ARHGEF1: variants seen among roughly 807,000 people sequenced by gnomAD.
The protein encoded by ARHGEF1 is 115 kDa guanine nucleotide exchange factor.
Under a neutral mutation model 119.7 loss-of-function variants are expected in ARHGEF1, and 40 were observed. That is an observed-to-expected ratio of 0.33 (90% CI 0.26 to 0.44). The LOEUF (loss-of-function observed/expected upper bound fraction) is 0.44. Among genes scored for constraint, ARHGEF1 ranks in the 20% least tolerant of loss-of-function variants. ARHGEF1 has a pLI of 1.00. For synonymous variants in ARHGEF1, 494 were observed against 521.0 expected (o/e 0.95, Z 0.71); for missense variants, 976 against 1,268.3 (o/e 0.77, Z 3.50).
rs1249718614 is a variant in ARHGEF1, at chr19:41,906,543, G to A, written c.2578G>A (p.Gly860Ser). ...AGATGGGGATGGGGTCCCAGGGGGC[G>A]GCCCCCTGAGCCCAGCACGGACCCA... is the stretch of plus-strand genomic sequence containing the variant. Reference protein sequence around the residue: ...PRDGDGVPGGGPLSPARTQEI... With the variant: ...PRDGDGVPGGSPLSPARTQEI... Residue 860 changes from glycine (G) to serine (S), a missense_variant, in exon 27 of 29, where the codon GGC (glycine) becomes AGC (serine). Gly to Ser is a moderately conservative substitution (Grantham distance 56, BLOSUM62 0). This residue lies in a region of ARHGEF1 where 171 missense variants were observed against 180.6 expected (regional missense o/e 0.95). Transcript: ENST00000354532. The surrounding 1 kb of genome is among the most constrained non-coding windows in gnomAD (Gnocchi z 4.5). 77 of 1,583,692 alleles carry A rather than the reference G, an allele frequency of 4.9e-5. No individual in the cohort carries two copies. The highest frequency in any genetic ancestry group is 8.3e-5 in the Admixed American group (4 of 48,462).
chr19:41,907,484 G>A (rs1445480758), downstream of ARHGEF1: 6 of 1,392,254 alleles, frequency 4.3e-6, no homozygotes, highest in East Asian at 1.3e-4. Context: ...GGTGGGGCCT[G>A]GCATGGCGTC....
chr19:41,905,971 C>T lies in ARHGEF1; in HGVS notation c.2437C>T (p.Pro813Ser), dbSNP rs781939944. 3 of 1,614,020 alleles carry T rather than the reference C, an allele frequency of 1.9e-6. No individual in the cohort carries two copies. The highest frequency in any genetic ancestry group is 3.3e-5 in the Admixed American group (2 of 60,002). The change falls in exon 26 of 29, where the codon CCC becomes TCC. Residue 813 changes from proline (P) to serine (S), a missense_variant. Pro to Ser is a moderately conservative substitution (Grantham distance 74). This residue lies in a region of ARHGEF1 where 171 missense variants were observed against 180.6 expected (regional missense o/e 0.95). Coordinates refer to ENST00000354532, the MANE Select transcript of ARHGEF1 (RefSeq NM_004706.4). This position sits in a 1 kb window ranked among gnomAD's most constrained non-coding sequence, Gnocchi z 6.4. ...CGAGAGAATCCTCAGTGACCTCCTG[C>T]CCTTCTGCAGACCAGGCCCCGAGGG... ...RTERILSDLL[P>S]FCRPGPEGQL...
Position 41,883,302 on chromosome 19 carries a change from C to G in ARHGEF1, c.-20+13C>G. 6.0e-6 allele frequency: 1 copy of G among 167,256 alleles called. No homozygotes were observed. The allele number at this position is 167,256 out of a possible 1,614,324, so 10.4% of individuals were successfully genotyped here. A position where few individuals can be genotyped will look rare whatever the true frequency, so the allele number is the denominator to read the frequency against. ...GCGCGGACACCAGGTACTCGGTCCC[C>G]GGCCCCGCCCGGCCTCCTCCCCTCG... On this transcript the variant is annotated intron_variant, in intron 1 of 28. Coordinates refer to ENST00000354532, the MANE Select transcript of ARHGEF1 (RefSeq NM_004706.4). This position sits in a 1 kb window ranked among gnomAD's most constrained non-coding sequence, Gnocchi z 7.6.
At chr19:41,894,767 GTT>G (rs2074450561) in intron 11 of ARHGEF1, 106 bp downstream of exon 11, 1 of 1,258,976 alleles carries the variant, frequency 7.9e-7, no homozygotes. Flanking sequence ...TGGACGCCTG[GTT>G]CTGAGGGAGG....
intron 14 of ARHGEF1, among the ~76,000 whole-genome samples, chr19:41,900,519 G>A (rs1423617111): frequency 1.3e-5 from 2 of 152,070 alleles, no homozygotes; most frequent in Non-Finnish European, 2.9e-5. Flanking sequence ...GACTTCTAGG[G>A]CCCCTGAAAC....
chr19:41,916,019 C>A lies in ARHGEF1; in HGVS notation c.1866-7073C>A, dbSNP rs542627014. ...TAATTTTATTTTGCTTCCTCCACCC[C>A]CCCTTCGCCCCCCATCTCTACCGCC... On this transcript the variant is annotated intron_variant, in intron 18 of 20. Transcript: ENST00000599589. The surrounding 1 kb of genome is among the most constrained non-coding windows in gnomAD (Gnocchi z 5.4). Among the ~76,000 whole-genome samples the A allele has an allele frequency of 5.9e-5, 9 of 151,952 alleles. No individual in the cohort carries two copies. The highest frequency in any genetic ancestry group is 1.3e-4 in the Non-Finnish European group (9 of 67,972).
Position 41,903,767 on chromosome 19 carries a change from A to G in ARHGEF1, c.1900A>G (p.Met634Val), listed in dbSNP as rs571974162. 3 of 1,613,082 alleles carry G rather than the reference A, an allele frequency of 1.9e-6. No individual in the cohort carries two copies. The highest frequency in any genetic ancestry group is 1.7e-5 in the Admixed American group (1 of 60,008). The change falls in exon 20 of 29, where the codon ATG (methionine) becomes GTG (valine). Residue 634 changes from methionine (M) to valine (V), a missense_variant. By Grantham distance (21) the Met-to-Val change is conservative. Transcript: ENST00000354532. This position sits in a 1 kb window ranked among gnomAD's most constrained non-coding sequence, Gnocchi z 4.2. ...LSHLRQSSDP[M>V]LSEFKNLDIT... ...CCACCTTCGGCAGAGCAGCGACCCTATGCTGAGCGAGTTCAAGGTGTGACC... is the reference window on the plus strand; with the variant it reads ...CCACCTTCGGCAGAGCAGCGACCCTGTGCTGAGCGAGTTCAAGGTGTGACC...
chr19:41,903,748 T>C lies in ARHGEF1; in HGVS notation c.1881T>C (p.Leu627=). 1 of 1,613,140 alleles carries C rather than the reference T, an allele frequency of 6.2e-7. No individual in the cohort carries two copies. The change falls in exon 20 of 29, where the codon CTT becomes CTC. Residue 627 remains leucine, a synonymous_variant. Coordinates refer to ENST00000354532, the MANE Select transcript of ARHGEF1 (RefSeq NM_004706.4). This position sits in a 1 kb window ranked among gnomAD's most constrained non-coding sequence, Gnocchi z 4.2. ...AGCGGCGCCTGGACTTGTCCCACCT[T>C]CGGCAGAGCAGCGACCCTATGCTGA... The part of the protein sequence containing the change: ...DYQRRLDLSH[L]RQSSDPMLSE...
At chr19:41,913,355 C>A (rs1483807543) in intron 18 of ARHGEF1, among the ~76,000 whole-genome samples, 1 of 147,824 alleles carries the variant, frequency 6.8e-6, no homozygotes, top group African/African-American at 2.5e-5. Flanking sequence ...GTCGGTCGGT[C>A]CCTGCGTCTC....
At position 41,906,857 on chromosome 19, in the gene ARHGEF1, C is replaced by G; in HGVS notation, c.*17+54C>G. On this transcript the variant is annotated intron_variant, in intron 28 of 28. Coordinates refer to ENST00000354532, the MANE Select transcript of ARHGEF1 (RefSeq NM_004706.4). The surrounding 1 kb of genome is among the most constrained non-coding windows in gnomAD (Gnocchi z 4.5). ...CTGTCCTGAAAGGAGGGTCCCCCTC[C>G]AGAGCTCGCATCCCTACAGCCCCTT... 7.2e-7 allele frequency: 1 copy of G among 1,380,960 alleles called. No homozygotes were observed. The highest frequency in any genetic ancestry group is 9.9e-7 in the Non-Finnish European group (1 of 1,009,494). 85.5% of individuals were successfully genotyped at this position (1,380,960 alleles called of 1,614,324 possible). A position where few individuals can be genotyped will look rare whatever the true frequency, so the allele number is the denominator to read the frequency against.
At chr19:41,915,039 C>T (rs1555851816) in intron 18 of ARHGEF1, among the ~76,000 whole-genome samples, 1 of 107,342 alleles carries the variant, frequency 9.3e-6, no homozygotes, top group Non-Finnish European at 1.9e-5. Flanking sequence ...CGCGTCTCTC[C>T]AGCAGCCCCG....
intron 18 of ARHGEF1, chr19:41,912,858 G>A (rs1267274875): frequency 3.3e-6 from 4 of 1,225,212 alleles, no homozygotes; most frequent in African/African-American, 1.6e-5. Context: ...GTTACCGGGG[G>A]TCCAGAGAGC....
At chr19:41,908,627 G>A (rs1295687184), downstream of ARHGEF1, 15 of 1,231,512 alleles carry the variant, frequency 1.2e-5, no homozygotes, top group South Asian at 8.2e-5. This position sits in a 1 kb window ranked among gnomAD's most constrained non-coding sequence, Gnocchi z 6.7. Context: ...CAGGGAAGGC[G>A]CGGCCATAAG....
At chr19:41,893,931 G>T (rs1468225663) in intron 8 of ARHGEF1, among the ~76,000 whole-genome samples, 1 of 149,630 alleles carries the variant, frequency 6.7e-6, no homozygotes, top group Non-Finnish European at 1.5e-5. Context: ...GGGAGGAGGG[G>T]GCTGGGGGCC....
downstream of ARHGEF1, among the ~76,000 whole-genome samples, chr19:41,910,575 G>GC (rs764373612): frequency 1.3e-3 from 191 of 152,126 alleles, no homozygotes; most frequent in Non-Finnish European, 2.3e-3. This position sits in a 1 kb window ranked among gnomAD's most constrained non-coding sequence, Gnocchi z 4.4. Flanking sequence ...ATTCCCCAGA[G>GC]CCCCCCACTG....
rs559947959 is a variant in ARHGEF1, at chr19:41,915,956, C to A, written c.1866-7136C>A. On this transcript the variant is annotated intron_variant, in intron 18 of 20. Transcript: ENST00000599589. ...CACCCCCCTCCCCCCCGCCGGCCGG[C>A]GTGGTGCGGATGGGTACTCCAGGCA... 2.6e-5 allele frequency among the ~76,000 whole-genome samples: 4 copies of A among 151,916 alleles called. No individual in the cohort carries two copies. In the South Asian group the frequency reaches 8.3e-4, roughly 32 times the overall value.
chr19:41,905,529 A>AT lies in ARHGEF1; in HGVS notation c.2337-230dup, dbSNP rs201859826. 1 of 610,432 alleles carries AT rather than the reference A, an allele frequency of 1.6e-6. No individual in the cohort carries two copies. Among genetic ancestry groups the AT allele is most frequent in the Non-Finnish European group, 2.9e-6 (1 of 346,886 alleles). The allele number at this position is 610,432 out of a possible 1,614,324, so 37.8% of individuals were successfully genotyped here. On this transcript the variant is annotated intron_variant, in intron 24 of 28. Coordinates refer to ENST00000354532, the MANE Select transcript of ARHGEF1 (RefSeq NM_004706.4). This position sits in a 1 kb window ranked among gnomAD's most constrained non-coding sequence, Gnocchi z 6.4. Reference sequence around the variant, plus strand: ...CATGCGTGTGACAGCATGTGCATGCATGTGTGTGTGTGTGCGCATGTGCCG... The same window carrying AT: ...CATGCGTGTGACAGCATGTGCATGCATTGTGTGTGTGTGTGCGCATGTGCCG...
chr19:41,921,846 C>G (rs2074844048), upstream of ARHGEF1, among the ~76,000 whole-genome samples: 1 of 151,864 alleles, frequency 6.6e-6, no homozygotes, highest in African/African-American at 2.4e-5. This position sits in a 1 kb window ranked among gnomAD's most constrained non-coding sequence, Gnocchi z 4.4. Context: ...CCCTGGGAGT[C>G]CGACCCATCC....
chr19:41,908,420 C>T (rs2074731262), downstream of ARHGEF1: 4 of 1,231,088 alleles, frequency 3.2e-6, no homozygotes, highest in East Asian at 3.2e-5. This position sits in a 1 kb window ranked among gnomAD's most constrained non-coding sequence, Gnocchi z 6.7. Flanking sequence ...CTGCCAGGCC[C>T]GAGGGGCGCT....
Sources: gnomAD v4.1 joint callset for allele counts (sites outside exome capture counted in the v4.1 genomes callset) on GRCh38, gnomAD v4.1.1 for gene constraint, gnomAD v4.1.1 regional missense constraint, Gnocchi (gnomAD v3.1) non-coding constraint, MANE v1.5 for transcripts, NCBI Gene and HGNC (gene_info 2026-07-23, HGNC 2026-07-21) for gene names.